UTRN: variants seen among roughly 807,000 people sequenced by gnomAD.
UTRN encodes dystrophin-related protein 1.
UTRN carries 283 observed loss-of-function variants against 463.9 expected under a neutral mutation model. The ratio of observed to expected loss-of-function variants is 0.61; its 90% CI spans 0.55 to 0.67. UTRN has a LOEUF of 0.67. UTRN is among the 30% of genes least tolerant of loss of function. The pLI, the probability that UTRN is intolerant of heterozygous loss-of-function variation, is 0.00. For synonymous variants in UTRN, 1,442 were observed against 1,431.5 expected (o/e 1.01, Z -0.17); for missense variants, 3,922 against 4,084.3 (o/e 0.96, Z 1.08).
intron 50 of UTRN, among the ~76,000 whole-genome samples, chr6:144,572,465 G>A (rs1239788866): frequency 6.6e-6 from 1 of 152,028 alleles, no homozygotes; most frequent in African/African-American, 2.4e-5. Context: ...TGTGCGTGGT[G>A]GTTTGCTGCA....
intron 2 of UTRN, among the ~76,000 whole-genome samples, chr6:144,380,790 G>A (rs2114736090): frequency 6.6e-6 from 1 of 152,028 alleles, no homozygotes; most frequent in South Asian, 2.1e-4. Flanking sequence ...CCAGCCTGAA[G>A]CCTCAAAAAA....
At chr6:144,642,401 A>G (rs186884337) in intron 51 of UTRN, among the ~76,000 whole-genome samples, 2 of 151,828 alleles carry the variant, frequency 1.3e-5, no homozygotes, top group East Asian at 1.9e-4. Flanking sequence ...TGTGTTTGCA[A>G]TCTTTTGTTT....
intron 13 of UTRN, among the ~76,000 whole-genome samples, chr6:144,443,941 T>A (rs190984664): frequency 2.6e-5 from 4 of 152,266 alleles, no homozygotes; most frequent in Admixed American, 2.0e-4. Context: ...AAAGTAGATA[T>A]GTTTGTTTTA....
chr6:144,387,933 A>T (rs1781553163), intron 2 of UTRN, among the ~76,000 whole-genome samples: 2 of 152,184 alleles, frequency 1.3e-5, no homozygotes, highest in South Asian at 4.1e-4. Context: ...AGACAGACAG[A>T]CCTTGTGTCA....
chr6:144,784,692 G>A (rs1173193381), intron 61 of UTRN, among the ~76,000 whole-genome samples: 3 of 152,216 alleles, frequency 2.0e-5, no homozygotes, highest in African/African-American at 7.2e-5. Context: ...GGAGGAAGCA[G>A]TGTGTGAAAT....
At chr6:144,363,879 A>G (rs1779283163) in intron 2 of UTRN, among the ~76,000 whole-genome samples, 2 of 152,204 alleles carry the variant, frequency 1.3e-5, no homozygotes, top group African/African-American at 4.8e-5. Context: ...GCTGAATACC[A>G]TGCTAGGTAG....
In UTRN at chr6:144,286,823, T is replaced by A. The variant is rs1412332002; in HGVS notation, c.-93+1002T>A. ...TTTATTTTACAAGGAACTGCAGAGCTCGGGTTCTAACTCCACGGCCCCGCT... is the reference window on the plus strand; with the variant it reads ...TTTATTTTACAAGGAACTGCAGAGCACGGGTTCTAACTCCACGGCCCCGCT... On this transcript the variant is annotated intron_variant, in intron 1 of 74. Transcript: ENST00000367545. The surrounding 1 kb of genome is among the most constrained non-coding windows in gnomAD (Gnocchi z 4.4). 6.7e-6 allele frequency among the ~76,000 whole-genome samples: 1 copy of A among 150,330 alleles called. No individual in the cohort carries two copies. Among genetic ancestry groups the A allele is most frequent in the Non-Finnish European group, 1.5e-5 (1 of 67,812 alleles).
chr6:144,611,296 A>T lies in UTRN; in HGVS notation c.7479+34008A>T, dbSNP rs141171082. 1.6e-4 allele frequency among the ~76,000 whole-genome samples: 24 copies of T among 152,334 alleles called. No individual in the cohort carries two copies. The East Asian group carries it at 4.6e-3, about 29-fold the overall frequency. ...TAAAAAGTTGAAAGCTTTTCCTCTAAGATCAGGGGCAAGGCAGGGATGCCC... is the reference window on the plus strand; with the variant it reads ...TAAAAAGTTGAAAGCTTTTCCTCTATGATCAGGGGCAAGGCAGGGATGCCC... On this transcript the variant is annotated intron_variant, in intron 51 of 74. Coordinates refer to ENST00000367545, the MANE Select transcript of UTRN (RefSeq NM_007124.3).
At chr6:144,463,351 A>G (rs1789603449) in intron 23 of UTRN, among the ~76,000 whole-genome samples, 3 of 152,250 alleles carry the variant, frequency 2.0e-5, no homozygotes. Context: ...ATTCAGAAAC[A>G]GGATCCTTCA....
rs1393780687 is a variant in UTRN, at chr6:144,449,977, A to G, written c.2072+1208A>G. Among the ~76,000 whole-genome samples, 5 of 152,052 alleles carry G rather than the reference A, an allele frequency of 3.3e-5. No individual in the cohort carries two copies. In the East Asian group the frequency reaches 9.6e-4, roughly 29 times the overall value. On this transcript the variant is annotated intron_variant, in intron 17 of 74. Coordinates refer to ENST00000367545, the MANE Select transcript of UTRN (RefSeq NM_007124.3). ...TCCTTGAGTTAATAATAGACATAAA[A>G]CACTTAGAAAGGGGCCGGGTAGAAG...
intron 72 of UTRN, among the ~76,000 whole-genome samples, chr6:144,840,371 G>A (rs1224589105): frequency 6.6e-6 from 1 of 151,966 alleles, no homozygotes; most frequent in Non-Finnish European, 1.5e-5. Flanking sequence ...GACAGAAAAA[G>A]AAATTGGTGA....
At chr6:144,343,290 G>A (rs1057100456) in intron 2 of UTRN, among the ~76,000 whole-genome samples, 17 of 151,674 alleles carry the variant, frequency 1.1e-4, no homozygotes, top group African/African-American at 3.9e-4. Flanking sequence ...CATGTATGTG[G>A]TGGACACATG....
chr6:144,653,993 A>T (rs534673870), intron 51 of UTRN, among the ~76,000 whole-genome samples: 2 of 152,382 alleles, frequency 1.3e-5, no homozygotes, highest in African/African-American at 4.8e-5. Context: ...CTCATTGCTC[A>T]GAGCAAACAT....
chr6:144,537,704 T>A lies in UTRN; in HGVS notation c.6356T>A (p.Leu2119Gln). ...KRSTTELGEN[L>Q]QELRDLTQEM... ...TCAACCACCGAATTGGGAGAAAACC[T>A]GCAAGAATTAAGAGTAAGTTGTTTA... The change falls in exon 44 of 75, where the codon CTG becomes CAG. Residue 2119 changes from leucine (L) to glutamine (Q), a missense_variant. Coordinates refer to ENST00000367545, the MANE Select transcript of UTRN (RefSeq NM_007124.3). The A allele has an allele frequency of 6.2e-7, 1 of 1,610,668 alleles. No homozygotes were observed. The highest frequency in any genetic ancestry group is 8.5e-7 in the Non-Finnish European group (1 of 1,178,588).
chr6:144,773,656 A>C (rs1355339905), intron 59 of UTRN, among the ~76,000 whole-genome samples: 1 of 152,248 alleles, frequency 6.6e-6, no homozygotes, highest in African/African-American at 2.4e-5. Flanking sequence ...GGATGACTGC[A>C]TTGAATTGTG....
At chr6:144,341,497 T>C (rs1043316670) in intron 2 of UTRN, among the ~76,000 whole-genome samples, 2 of 152,216 alleles carry the variant, frequency 1.3e-5, no homozygotes, top group African/African-American at 4.8e-5. Context: ...ATTACTATTC[T>C]CCCAGTACTG....
intron 57 of UTRN, 57 bp from the exon 58 acceptor site, chr6:144,757,872 A>G: frequency 6.7e-7 from 1 of 1,497,118 alleles, no homozygotes. Context: ...GTTTTGCATT[A>G]AGGTGTAAGG....
In UTRN at chr6:144,490,790, G is replaced by A. The variant is rs75458423; in HGVS notation, c.4264-139G>A. On this transcript the variant is annotated intron_variant, in intron 31 of 74. Coordinates refer to ENST00000367545, the MANE Select transcript of UTRN (RefSeq NM_007124.3). ...GTACCCTCACTGAGATTCATTAGGAGTTTTTTATTTTGGGTCATATTTCTG... is the reference window on the plus strand; with the variant it reads ...GTACCCTCACTGAGATTCATTAGGAATTTTTTATTTTGGGTCATATTTCTG... 4,118 of 963,866 alleles carry A rather than the reference G, an allele frequency of 4.3e-3. 21 individuals carry two copies. Among genetic ancestry groups the A allele is most frequent in the Non-Finnish European group, 4.6e-3 (3,117 of 683,392 alleles). The allele number at this position is 963,866 out of a possible 1,614,324, so 59.7% of individuals were successfully genotyped here. A position where few individuals can be genotyped will look rare whatever the true frequency, so the allele number is the denominator to read the frequency against.
chr6:144,493,584 A>T (rs1290865418), intron 33 of UTRN, 128 bp downstream of exon 33: 1 of 994,224 alleles, frequency 1.0e-6, no homozygotes, highest in African/African-American at 1.6e-5. Flanking sequence ...TTTGAAAATT[A>T]TGAGATTCAT....
Sources: allele counts gnomAD v4.1 joint callset (sites outside exome capture counted in the v4.1 genomes callset), GRCh38; gene constraint gnomAD v4.1.1; non-coding constraint Gnocchi (gnomAD v3.1); transcripts MANE v1.5; gene names NCBI Gene and HGNC (gene_info 2026-07-23, HGNC 2026-07-21).